The following DPF3 variants were observed in gnomAD, a reference collection of about 807,000 sequenced individuals.
The protein encoded by DPF3 is zinc finger protein DPF3.
In DPF3, 18 loss-of-function variants were observed where a neutral mutation model predicts 56.8. The observed-to-expected ratio is 0.32, with a 90% confidence interval of 0.22 to 0.47. The LOEUF (loss-of-function observed/expected upper bound fraction) is 0.47. Ranked by LOEUF, DPF3 falls within the 20% of genes least tolerant of loss-of-function variation. The probability of loss-of-function intolerance (pLI) is 1.00; values close to 1 mark genes in which losing one functional copy is unlikely to be tolerated. For synonymous variants in DPF3, 188 were observed against 180.2 expected, an observed-to-expected ratio of 1.04 and a Z score of -0.35; for missense variants, 403 against 488.8, an observed-to-expected ratio of 0.82 and a Z score of 1.65.
chr14:72,717,673 C>A (rs965818795), intron 5 of DPF3, among the ~76,000 whole-genome samples: 1 of 152,204 alleles, frequency 6.6e-6, no homozygotes, highest in Non-Finnish European at 1.5e-5. Context: ...TTAATTCCTA[C>A]AATAACCCTA....
chr14:72,816,726 C>T (rs1462900383), intron 1 of DPF3, among the ~76,000 whole-genome samples: 1 of 152,014 alleles, frequency 6.6e-6, no homozygotes, highest in Non-Finnish European at 1.5e-5. Flanking sequence ...TCTGATTATA[C>T]TCTCAAGAAA....
At chr14:72,701,818 TCACCAGC>T (rs537469232) in intron 6 of DPF3, among the ~76,000 whole-genome samples, 28 of 152,208 alleles carry the variant, frequency 1.8e-4, no homozygotes, top group African/African-American at 6.0e-4. Flanking sequence ...CACCAGCCAG[TCACCAGC>T]CACAGCTCAT....
intron 6 of DPF3, among the ~76,000 whole-genome samples, chr14:72,698,799 AT>A: frequency 6.6e-6 from 1 of 152,374 alleles, no homozygotes; most frequent in African/African-American, 2.4e-5. Flanking sequence ...TTGCCAGGAC[AT>A]AGCACTACCA....
At chr14:72,860,307 C>A (rs1885345622) in intron 1 of DPF3, among the ~76,000 whole-genome samples, 2 of 152,168 alleles carry the variant, frequency 1.3e-5, no homozygotes, top group African/African-American at 4.8e-5. Flanking sequence ...CTCAGCCTCC[C>A]AAGTAGCTAG....
chr14:72,646,936 AG>A (rs1031398530), intron 8 of DPF3, among the ~76,000 whole-genome samples: 4 of 152,132 alleles, frequency 2.6e-5, no homozygotes, highest in African/African-American at 9.7e-5. Context: ...TAGTGCCCTG[AG>A]GGGGCTCAGA....
chr14:72,674,063 T>C (rs1376870908), intron 8 of DPF3, 177 bp downstream of exon 8: 15 of 976,002 alleles, frequency 1.5e-5, no homozygotes, highest in Middle Eastern at 3.4e-4. Context: ...GGCATAACTT[T>C]TGGTTCTTGA....
intron 4 of DPF3, among the ~76,000 whole-genome samples, chr14:72,726,588 C>T (rs61986266): frequency 0.16 from 24,599 of 152,092 alleles, 2,177 homozygotes; most frequent in Middle Eastern, 0.3. Flanking sequence ...AGAAGCCTCT[C>T]GACATAATTC....
At chr14:72,738,330 AC>A (rs1889984525) in intron 3 of DPF3, among the ~76,000 whole-genome samples, 1 of 151,984 alleles carries the variant, frequency 6.6e-6, no homozygotes, top group Non-Finnish European at 1.5e-5. Context: ...AGGCCCTATT[AC>A]CACTTGCTTT....
At chr14:72,716,504 C>T (rs1457554388) in intron 5 of DPF3, among the ~76,000 whole-genome samples, 1 of 152,164 alleles carries the variant, frequency 6.6e-6, no homozygotes, top group Non-Finnish European at 1.5e-5. Flanking sequence ...CATCCACTCA[C>T]ACCCTCTCCA....
intron 1 of DPF3, among the ~76,000 whole-genome samples, chr14:72,887,711 A>G (rs1172814541): frequency 6.6e-6 from 1 of 152,186 alleles, no homozygotes; most frequent in Admixed American, 6.5e-5. Context: ...GTCCCAGATC[A>G]CAAGCTAGTT....
chr14:72,829,538 C>T lies in DPF3; in HGVS notation c.33-57645G>A, dbSNP rs1490094363. 2.0e-5 allele frequency among the ~76,000 whole-genome samples: 3 copies of T among 151,928 alleles called. No individual in the cohort carries two copies. The South Asian group carries it at 6.2e-4, about 32-fold the overall frequency. On this transcript the variant is annotated intron_variant, in intron 1 of 10. Transcript: ENST00000556509. ...TAGCTGGGATTACAGGTGCCCACCACCACGCCCAGCTAATTTTTTGTATTT... is the reference window on the plus strand; with the variant it reads ...TAGCTGGGATTACAGGTGCCCACCATCACGCCCAGCTAATTTTTTGTATTT...
intron 1 of DPF3, among the ~76,000 whole-genome samples, chr14:72,782,153 A>G (rs148428732): frequency 6.6e-6 from 1 of 152,022 alleles, no homozygotes; most frequent in African/African-American, 2.4e-5. Context: ...TAAAGGGAAT[A>G]TCGGTCTGGT....
At chr14:72,628,671 G>A (rs989001805) in intron 9 of DPF3, among the ~76,000 whole-genome samples, 2 of 151,800 alleles carry the variant, frequency 1.3e-5, no homozygotes, top group African/African-American at 4.8e-5. Flanking sequence ...AGACAGAGTT[G>A]GTGAGAGGAG....
At chr14:72,720,556 C>A (rs1034662822) in intron 5 of DPF3, among the ~76,000 whole-genome samples, 1 of 152,204 alleles carries the variant, frequency 6.6e-6, no homozygotes, top group African/African-American at 2.4e-5. Flanking sequence ...AGGCTCCATC[C>A]AGCCCCCTCA....
At chr14:72,879,799 C>T (rs554617396) in intron 1 of DPF3, 1 of 1,534,204 alleles carries the variant, frequency 6.5e-7, no homozygotes, top group Admixed American at 2.0e-5. Flanking sequence ...CACTGAGGTT[C>T]TTACCCTAGA....
chr14:72,619,927 G>T lies in DPF3; in HGVS notation c.1042C>A (p.Pro348Thr). 1 of 1,534,822 alleles carries T rather than the reference G, an allele frequency of 6.5e-7. No homozygotes were observed. The highest frequency in any genetic ancestry group is 2.4e-5 in the East Asian group (1 of 40,904). ...CCTTCTGGGGGCTCAGCCACCGGGG[G>T]ATTTAAACAGTACATGTGATAGCCT... ...DRGYHMYCLN[P>T]PVAEPPEGSW... Residue 348 changes from proline (P) to threonine (T), a missense_variant, in exon 10 of 11, where the codon CCC becomes ACC. Around this residue, in one of 2 missense-constraint regions of DPF3, gnomAD observed 63 missense variants for 114.4 expected, o/e 0.55. Coordinates refer to ENST00000556509, the MANE Select transcript of DPF3 (RefSeq NM_001280542.3).
intron 1 of DPF3, among the ~76,000 whole-genome samples, chr14:72,875,588 T>C (rs1165405044): frequency 6.6e-6 from 1 of 152,230 alleles, no homozygotes; most frequent in Non-Finnish European, 1.5e-5. Context: ...CCAAACTCTC[T>C]GGCTCCAGAG....
At chr14:72,712,938 C>T (rs1256748415) in intron 6 of DPF3, among the ~76,000 whole-genome samples, 1 of 152,252 alleles carries the variant, frequency 6.6e-6, no homozygotes, top group Non-Finnish European at 1.5e-5. Context: ...AGTTCCAAAG[C>T]AGTTGTTGGC....
At chr14:72,713,702 C>T (rs1176492818) in intron 6 of DPF3, among the ~76,000 whole-genome samples, 1 of 152,182 alleles carries the variant, frequency 6.6e-6, no homozygotes, top group Non-Finnish European at 1.5e-5. Context: ...TTTCAATCTG[C>T]CTCCCAGTGC....
Sources: allele counts gnomAD v4.1 joint callset (sites outside exome capture counted in the v4.1 genomes callset), GRCh38; gene constraint gnomAD v4.1.1; regional missense constraint gnomAD v4.1.1; transcripts MANE v1.5; gene names NCBI Gene and HGNC (gene_info 2026-07-23, HGNC 2026-07-21).